Variants in CSK observed in about 807,000 individuals in gnomAD.
CSK encodes the protein tyrosine-protein kinase CSK.
Under a neutral mutation model 62.3 loss-of-function variants are expected in CSK, and 7 were observed. The ratio of observed to expected loss-of-function variants is 0.11; its 90% CI spans 0.06 to 0.21. CSK has a LOEUF of 0.21. CSK is among the 10% of genes least tolerant of loss of function. The pLI is 1.00. For synonymous variants in CSK, 237 were observed against 246.0 expected (o/e 0.96, Z 0.34); for missense variants, 294 against 613.5 (o/e 0.48, Z 5.50).
chr15:74,786,016 T>TGTGG (rs2063516022), intron 1 of CSK, among the ~76,000 whole-genome samples: 1 of 124,332 alleles, frequency 8.0e-6, no homozygotes, highest in African/African-American at 2.8e-5. Context: ...TTTTTTTTTG[T>TGTGG]GTGTGTGTGT....
intron 1 of CSK, among the ~76,000 whole-genome samples, chr15:74,793,477 G>A (rs2063656804): frequency 6.6e-6 from 1 of 152,202 alleles, no homozygotes; most frequent in South Asian, 2.1e-4. Context: ...GAGGCACGGG[G>A]CTATGGGGAG....
At position 74,798,948 on chromosome 15, in the gene CSK, A is replaced by T. The variant is rs1484064848; in HGVS notation, c.242+10A>T. The T allele has an allele frequency of 4.6e-6, 7 of 1,509,378 alleles. No homozygotes were observed. Among genetic ancestry groups the T allele is most frequent in the Admixed American group, 2.2e-5 (1 of 44,832 alleles). 93.5% of individuals were successfully genotyped at this position (1,509,378 alleles called of 1,614,324 possible). On this transcript the variant is annotated intron_variant, in intron 4 of 12. Coordinates refer to ENST00000220003, the MANE Select transcript of CSK (RefSeq NM_004383.3). The surrounding 1 kb of genome is among the most constrained non-coding windows in gnomAD (Gnocchi z 6.6). ...AACTCAGCCTCATGCCGTGAGTACC[A>T]CGAGGAGGGGTTGGGGAGGGAAGGG...
chr15:74,783,277 G>A (rs1040692296), intron 1 of CSK, among the ~76,000 whole-genome samples: 4 of 152,232 alleles, frequency 2.6e-5, no homozygotes, highest in African/African-American at 7.2e-5. Flanking sequence ...TCTTTGGGTG[G>A]GAAACTGGGC....
At chr15:74,799,849 C>A (rs2063761587) in intron 5 of CSK, among the ~76,000 whole-genome samples, 1 of 152,224 alleles carries the variant, frequency 6.6e-6, no homozygotes, top group Non-Finnish European at 1.5e-5. Flanking sequence ...CACTCACAGA[C>A]CTGCATGCTC....
intron 1 of CSK, among the ~76,000 whole-genome samples, chr15:74,791,114 C>T (rs2063613775): frequency 1.3e-5 from 2 of 152,228 alleles, no homozygotes. Context: ...CCCTTCTCAT[C>T]CTAGAGGCAA....
chr15:74,800,769 G>C (rs1048526687), intron 7 of CSK, 23 bp downstream of exon 7: 4 of 1,585,314 alleles, frequency 2.5e-6, no homozygotes, highest in Non-Finnish European at 2.6e-6. Flanking sequence ...GGGCCCCCTG[G>C]GGGGGTTCTG....
At chr15:74,783,716 G>C (rs975960533) in intron 1 of CSK, among the ~76,000 whole-genome samples, 3 of 152,210 alleles carry the variant, frequency 2.0e-5, no homozygotes, top group African/African-American at 7.2e-5. Context: ...GCTGTGGCTG[G>C]GTCAGCTAGC....
rs200213518 is a variant in CSK, at chr15:74,801,593, G to T, written c.885G>T (p.Ser295=). 1.9e-6 allele frequency: 3 copies of T among 1,613,856 alleles called. No individual in the cohort carries two copies. Among genetic ancestry groups the T allele is most frequent in the East Asian group, 2.2e-5 (1 of 44,884 alleles). ...VLGGDCLLKF[S]LDVCEAMEYL... is the part of the protein sequence containing the mutation. ...GCGGAGACTGTCTCCTCAAGTTCTC[G>T]CTGTGAGTGAAGCAGCCTCTTGGAT... The change falls in exon 10 of 13, where the codon TCG becomes TCT. Residue 295 remains serine (S), a splice_region_variant and synonymous_variant. Transcript: ENST00000220003.
At chr15:74,785,351 G>A (rs956512365) in intron 1 of CSK, among the ~76,000 whole-genome samples, 28 of 152,168 alleles carry the variant, frequency 1.8e-4, no homozygotes, top group African/African-American at 6.0e-4. Context: ...ACACTGGAGC[G>A]TGTGCATTTT....
At chr15:74,786,013 T>TTTTTTTTTTTTTTTTTTGTGGG in intron 1 of CSK, among the ~76,000 whole-genome samples, 1 of 47,816 alleles carries the variant, frequency 2.1e-5, no homozygotes, top group Non-Finnish European at 5.5e-5. Flanking sequence ...TTTTTTTTTT[T>TTTTTTTTTTTTTTTTTTGTGGG]TGTGTGTGTG....
In CSK at chr15:74,801,577, G is replaced by C. The variant is rs1242745809; in HGVS notation, c.869G>C (p.Cys290Ser). 17 of 1,613,988 alleles carry C rather than the reference G, an allele frequency of 1.1e-5. No homozygotes were observed. The highest frequency in any genetic ancestry group is 1.4e-5 in the Non-Finnish European group (17 of 1,179,918). The change falls in exon 10 of 13, where the codon TGT (cysteine) becomes TCT (serine). Residue 290 changes from cysteine (C) to serine (S), a missense_variant. Transcript: ENST00000220003. ...GGTCGGTCAGTGCTGGGCGGAGACT[G>C]TCTCCTCAAGTTCTCGCTGTGAGTG... ...SRGRSVLGGDCLLKFSLDVCE... is the reference protein window; with the variant it reads ...SRGRSVLGGDSLLKFSLDVCE...
At chr15:74,792,587 T>C (rs1235575735) in intron 1 of CSK, among the ~76,000 whole-genome samples, 1 of 152,236 alleles carries the variant, frequency 6.6e-6, no homozygotes, top group African/African-American at 2.4e-5. Flanking sequence ...CCCCTCTCTG[T>C]GCCTGACCCC....
chr15:74,793,023 T>G (rs2063647612), intron 1 of CSK: 1 of 152,208 alleles, frequency 6.6e-6, no homozygotes, highest in South Asian at 2.1e-4. Context: ...CCCTTTTGTT[T>G]GTTCATTTAT....
At chr15:74,789,731 A>G (rs976418518) in intron 1 of CSK, among the ~76,000 whole-genome samples, 40 of 152,276 alleles carry the variant, frequency 2.6e-4, no homozygotes, top group East Asian at 1.9e-4. Flanking sequence ...CCCCTCTCTC[A>G]GTCACTTTCC....
intron 1 of CSK, among the ~76,000 whole-genome samples, chr15:74,791,668 C>T (rs1253645256): frequency 2.0e-5 from 3 of 152,184 alleles, no homozygotes; most frequent in Non-Finnish European, 4.4e-5. Flanking sequence ...GTGTCCTGTT[C>T]AATCTAGAAC....
Position 74,800,765 on chromosome 15 carries a change from C to T in CSK, c.622+19C>T, listed in dbSNP as rs762160008. Reference sequence around the variant, plus strand: ...TTCGGAGGTGAGCTGGGCCGGGCCCCCTGGGGGGGTTCTGAGGGACTCCGA... The same window carrying T: ...TTCGGAGGTGAGCTGGGCCGGGCCCTCTGGGGGGGTTCTGAGGGACTCCGA... On this transcript the variant is annotated intron_variant, in intron 7 of 12. Coordinates refer to ENST00000220003, the MANE Select transcript of CSK (RefSeq NM_004383.3). 4 of 1,583,592 alleles carry T rather than the reference C, an allele frequency of 2.5e-6. No individual in the cohort carries two copies. The East Asian group carries it at 9.3e-5, about 37-fold the overall frequency.
chr15:74,793,286 C>T (rs979557851), intron 1 of CSK: 1 of 152,664 alleles, frequency 6.6e-6, no homozygotes, highest in African/African-American at 2.4e-5. Flanking sequence ...TCCAGACCCT[C>T]TGAGGCCTTC....
At position 74,800,929 on chromosome 15, in the gene CSK, G is replaced by T. The variant is rs762468390; in HGVS notation, c.722+7G>T. On this transcript the variant is annotated splice_region_variant and intron_variant, in intron 8 of 12. Transcript: ENST00000220003. ...CTGAAGCCTCAGTCATGACGTGAGT[G>T]GGGGCGGGGTAGGGGGGAGGTTGGC... 6 of 1,612,940 alleles carry T rather than the reference G, an allele frequency of 3.7e-6. No individual in the cohort carries two copies. The highest frequency in any genetic ancestry group is 2.2e-5 in the South Asian group (2 of 91,084).
At chr15:74,796,007 C>A (rs1311700013) in intron 1 of CSK, among the ~76,000 whole-genome samples, 1 of 152,100 alleles carries the variant, frequency 6.6e-6, no homozygotes, top group Admixed American at 6.6e-5. Flanking sequence ...CACTTGAGGC[C>A]AGGAGTTCAA....
Sources: gnomAD v4.1 joint callset for allele counts (sites outside exome capture counted in the v4.1 genomes callset) on GRCh38, gnomAD v4.1.1 for gene constraint, Gnocchi (gnomAD v3.1) non-coding constraint, MANE v1.5 for transcripts, NCBI Gene and HGNC (gene_info 2026-07-23, HGNC 2026-07-21) for gene names.